The following NDC1 variants were observed in gnomAD, a reference collection of about 807,000 sequenced individuals.
NDC1 encodes NDC1 transmembrane nucleoporin, also known as nucleoporin NDC1.
A neutral mutation model predicts 89.8 loss-of-function variants in NDC1; 24 were observed. That is an observed-to-expected ratio of 0.27 (90% CI 0.19 to 0.38). The LOEUF (loss-of-function observed/expected upper bound fraction) is 0.38, where lower values mean the gene tolerates loss of function less well. Ranked by LOEUF, NDC1 falls within the 10% of genes least tolerant of loss-of-function variation. NDC1 has a pLI of 1.00. For synonymous variants in NDC1, 296 were observed against 284.8 expected (o/e 1.04, Z -0.39); for missense variants, 728 against 797.6 (o/e 0.91, Z 1.05).
At chr1:53,819,953 A>G (rs1226477453) in intron 5 of NDC1, among the ~76,000 whole-genome samples, 1 of 152,000 alleles carries the variant, frequency 6.6e-6, no homozygotes, top group Non-Finnish European at 1.5e-5. Context: ...TTAAAAAAAA[A>G]AGAAAAGAAA....
intron 16 of NDC1, among the ~76,000 whole-genome samples, chr1:53,781,785 A>T (rs1292196782): frequency 1.3e-5 from 2 of 152,130 alleles, no homozygotes; most frequent in Non-Finnish European, 2.9e-5. Context: ...TATGAGTCAC[A>T]TCACATTCCT....
rs764802182 is a variant in NDC1 at position 53,820,693 on chromosome 1, T to TTC, written c.595-1616_595-1615dup. 1.2e-3 allele frequency among the ~76,000 whole-genome samples: 184 copies of TTC among 147,758 alleles called. 4 individuals carry two copies. The highest frequency in any genetic ancestry group is 3.5e-3 in the Middle Eastern group (1 of 284). ...AAAAAGAAAAAAATAAAAGATGTAC[T>TTC]TCTCTCTCTTTTTTTTTTTTTTTTT... On this transcript the variant is annotated intron_variant, in intron 5 of 17. Transcript: ENST00000371429.
intron 10 of NDC1, among the ~76,000 whole-genome samples, chr1:53,801,098 A>C (rs1018378704): frequency 1.3e-5 from 2 of 152,016 alleles, no homozygotes; most frequent in East Asian, 1.9e-4. Flanking sequence ...CCAAAAAAAA[A>C]AAAAAACAAA....
In NDC1 at chr1:53,766,538, A is replaced by G. The variant is rs1647067218; in HGVS notation, c.*1432T>C. 6.6e-6 allele frequency: 1 copy of G among 152,236 alleles called. No homozygotes were observed. The highest frequency in any genetic ancestry group is 2.1e-4 in the South Asian group (1 of 4,832). 9.4% of individuals were successfully genotyped at this position (152,236 alleles called of 1,614,324 possible). ...AAAAAAACAAATGGCAATAGTCTACATATCTAAACACTTGACAATTGGGGA... is the reference window on the plus strand; with the variant it reads ...AAAAAAACAAATGGCAATAGTCTACGTATCTAAACACTTGACAATTGGGGA... On this transcript the variant is annotated 3_prime_UTR_variant, in exon 18 of 18. Transcript: ENST00000371429.
intron 17 of NDC1, among the ~76,000 whole-genome samples, chr1:53,770,780 G>A (rs1443379779): frequency 4.6e-5 from 7 of 151,826 alleles, no homozygotes; most frequent in African/African-American, 9.7e-5. Flanking sequence ...TCAGCCTCCC[G>A]AGTAGCTGGG....
At chr1:53,830,027 T>A (rs1435285596) in intron 3 of NDC1, among the ~76,000 whole-genome samples, 1 of 151,890 alleles carries the variant, frequency 6.6e-6, no homozygotes, top group Non-Finnish European at 1.5e-5. Flanking sequence ...GGCAGGCAAC[T>A]GTAATCCCAG....
chr1:53,825,460 A>AAAAAAAAAAAAAAAG (rs1039370528), intron 5 of NDC1, among the ~76,000 whole-genome samples: 37 of 142,212 alleles, frequency 2.6e-4, no homozygotes, highest in East Asian at 1.8e-3. Context: ...CTCCAAAAAA[A>AAAAAAAAAAAAAAAG]AAGAAGCTAC....
Position 53,793,295 on chromosome 1 carries a change from G to C in NDC1, c.1585-16C>G. On this transcript the variant is annotated splice_polypyrimidine_tract_variant and intron_variant, in intron 13 of 17. Transcript: ENST00000371429. ...AATTCTTAATCTGAGTTGGAAAAAAGGAAGAATTAACACATTTACCTTTTA... is the reference window on the plus strand; with the variant it reads ...AATTCTTAATCTGAGTTGGAAAAAACGAAGAATTAACACATTTACCTTTTA... 6.3e-7 allele frequency: 1 copy of C among 1,590,978 alleles called. No individual in the cohort carries two copies. The highest frequency in any genetic ancestry group is 1.7e-4 in the Middle Eastern group (1 of 5,994).
At chr1:53,812,699 GA>G (rs1196583437) in intron 6 of NDC1, among the ~76,000 whole-genome samples, 7 of 152,320 alleles carry the variant, frequency 4.6e-5, no homozygotes, top group Admixed American at 1.3e-4. Flanking sequence ...AATAATCAAG[GA>G]AAACTTCCCT....
At chr1:53,807,009 G>A (rs1202911613) in intron 8 of NDC1, among the ~76,000 whole-genome samples, 1 of 151,992 alleles carries the variant, frequency 6.6e-6, no homozygotes, top group South Asian at 2.1e-4. Context: ...CACTTTAAGA[G>A]GTCGAGGACA....
rs149635851 is a variant in NDC1, at chr1:53,822,202, C to T, written c.595-3123G>A. On this transcript the variant is annotated intron_variant, in intron 5 of 17. Coordinates refer to ENST00000371429, the MANE Select transcript of NDC1 (RefSeq NM_018087.5). ...TACAAAAATTAGTTGGGCGTGGTAG[C>T]GCACGCCTATAGTCCCAGCTACTCA... Among the ~76,000 whole-genome samples the T allele has an allele frequency of 7.5e-3, 1,144 of 152,214 alleles. 12 individuals are homozygous for T. The highest frequency in any genetic ancestry group is 0.026 in the African/African-American group (1,093 of 41,532).
At chr1:53,807,241 T>C (rs1002031022) in intron 8 of NDC1, among the ~76,000 whole-genome samples, 129 of 66,954 alleles carry the variant, frequency 1.9e-3, no homozygotes, top group African/African-American at 8.3e-3. Context: ...AGCGAGACCC[T>C]ATCTCAAAAA....
chr1:53,788,454 T>C (rs1204308499), intron 15 of NDC1, among the ~76,000 whole-genome samples: 1 of 151,892 alleles, frequency 6.6e-6, no homozygotes, highest in Non-Finnish European at 1.5e-5. Context: ...GAGATGGAGT[T>C]GCGCTATTTG....
chr1:53,827,650 T>G (rs900544486), intron 4 of NDC1, among the ~76,000 whole-genome samples: 1 of 152,178 alleles, frequency 6.6e-6, no homozygotes, highest in African/African-American at 2.4e-5. Context: ...CATGTGTGGA[T>G]CCCTCTTGTT....
At chr1:53,780,018 A>G (rs1647191985) in intron 16 of NDC1, among the ~76,000 whole-genome samples, 1 of 152,034 alleles carries the variant, frequency 6.6e-6, no homozygotes, top group South Asian at 2.1e-4. Context: ...TTGCAAGACT[A>G]GCTCAGATTC....
chr1:53,787,902 A>G (rs1647358520), intron 15 of NDC1, among the ~76,000 whole-genome samples: 1 of 150,588 alleles, frequency 6.6e-6, no homozygotes, highest in Non-Finnish European at 1.5e-5. Flanking sequence ...AAGGGCATAC[A>G]GTATTCAGAG....
chr1:53,822,514 GGTAAACTGCTACCA>G (rs1648708021), intron 5 of NDC1, among the ~76,000 whole-genome samples: 2 of 150,308 alleles, frequency 1.3e-5, no homozygotes, highest in Admixed American at 6.6e-5. Flanking sequence ...CAGTTTAACT[GGTAAACTGCTACCA>G]GTTTAGTGTA....
intron 16 of NDC1, among the ~76,000 whole-genome samples, chr1:53,786,026 G>A (rs766704060): frequency 6.3e-4 from 96 of 152,138 alleles, no homozygotes; most frequent in Non-Finnish European, 1.2e-3. Flanking sequence ...CTGGGTTCAA[G>A]CGATTCTCCT....
chr1:53,786,250 C>T (rs1647305871), intron 16 of NDC1, among the ~76,000 whole-genome samples: 1 of 152,070 alleles, frequency 6.6e-6, no homozygotes, highest in Non-Finnish European at 1.5e-5. Flanking sequence ...CTAAATGCCT[C>T]CAGCCCTTAG....
Sources: gnomAD v4.1 joint callset for allele counts (sites outside exome capture counted in the v4.1 genomes callset) on GRCh38, gnomAD v4.1.1 for gene constraint, MANE v1.5 for transcripts, NCBI Gene and HGNC (gene_info 2026-07-23, HGNC 2026-07-21) for gene names.